SLC30A7: variants seen among roughly 807,000 people sequenced by gnomAD.
The protein encoded by SLC30A7 is solute carrier family 30 member 7, also known as zinc transporter 7.
A neutral mutation model predicts 46.0 loss-of-function variants in SLC30A7; 35 were observed. The ratio of observed to expected loss-of-function variants is 0.76; its 90% confidence interval spans 0.58 to 1.01. SLC30A7 has a LOEUF of 1.01. SLC30A7 is among the 50% of genes least tolerant of loss of function. SLC30A7 has a pLI of 0.00. For synonymous variants in SLC30A7, 147 were observed against 157.8 expected (o/e 0.93, Z 0.51); for missense variants, 464 against 451.1 (o/e 1.03, Z -0.26).
intron 8 of SLC30A7, among the ~76,000 whole-genome samples, chr1:100,951,759 C>G (rs1428019073): frequency 6.6e-6 from 1 of 152,188 alleles, no homozygotes; most frequent in Non-Finnish European, 1.5e-5. Context: ...CCCTCCTTAC[C>G]CACCTGGCTA....
intron 2 of SLC30A7, among the ~76,000 whole-genome samples, chr1:100,903,345 C>A (rs1323788986): frequency 6.6e-6 from 1 of 152,030 alleles, no homozygotes. Flanking sequence ...TAGAGAAATT[C>A]TTCACATGAG....
At chr1:100,942,277 A>G (rs1654392857) in intron 8 of SLC30A7, among the ~76,000 whole-genome samples, 2 of 152,214 alleles carry the variant, frequency 1.3e-5, no homozygotes, top group Non-Finnish European at 2.9e-5. Flanking sequence ...GCAAAATTAA[A>G]TATGCATATA....
At chr1:100,967,458 T>C (rs1370684389) in intron 10 of SLC30A7, among the ~76,000 whole-genome samples, 3 of 152,146 alleles carry the variant, frequency 2.0e-5, no homozygotes, top group Non-Finnish European at 4.4e-5. Flanking sequence ...TAACAGACCA[T>C]GGACCAGTAC....
Position 100,909,203 on chromosome 1 carries a change from T to C in SLC30A7, c.297-1860T>C, listed in dbSNP as rs148741254. 7.5e-3 allele frequency among the ~76,000 whole-genome samples: 1,137 copies of C among 152,246 alleles called. 23 individuals carry two copies. Among genetic ancestry groups the C allele is most frequent in the African/African-American group, 0.024 (1,004 of 41,558 alleles). ...AATCAAAATGACACTGATTAATTCA[T>C]GTTAAGCATAGGGTTGAATTCTCAT... On this transcript the variant is annotated intron_variant, in intron 3 of 10. Transcript: ENST00000357650.
In SLC30A7 at chr1:100,980,056, A is replaced by G. The variant is rs1656834618; in HGVS notation, c.*5199A>G. ...CATTGATCTTAAACTGTGCAGGCTA[A>G]AAAGAGGAACCAGAACTCCCTTAAG... is the stretch of plus-strand genomic sequence containing the variant. On this transcript the variant is annotated 3_prime_UTR_variant, in exon 11 of 11. Transcript: ENST00000357650. 2.0e-5 allele frequency: 3 copies of G among 152,176 alleles called. No individual in the cohort carries two copies. The highest frequency in any genetic ancestry group is 1.3e-4 in the Admixed American group (2 of 15,266). The allele number at this position is 152,176 out of a possible 1,614,324, so 9.4% of individuals were successfully genotyped here.
At position 100,976,836 on chromosome 1, in the gene SLC30A7, C is replaced by CT. The variant is rs1656550610; in HGVS notation, c.*1983dup. 1 of 152,562 alleles carries CT rather than the reference C, an allele frequency of 6.6e-6. No homozygotes were observed. Among genetic ancestry groups the CT allele is most frequent in the East Asian group, 1.9e-4 (1 of 5,206 alleles). The allele number at this position is 152,562 out of a possible 1,614,324, so 9.5% of individuals were successfully genotyped here. A position where few individuals can be genotyped will look rare whatever the true frequency, so the allele number is the denominator to read the frequency against. ...TTGCCGTGAACTCTATCAATAGTCT[C>CT]TTTTCCGCAGGCAAAGTGGCATTTT... On this transcript the variant is annotated 3_prime_UTR_variant, in exon 11 of 11. Coordinates refer to ENST00000357650, the MANE Select transcript of SLC30A7 (RefSeq NM_133496.5).
In SLC30A7 at chr1:100,896,128, C is replaced by G; in HGVS notation, c.-135C>G. 2 of 738,910 alleles carry G rather than the reference C, an allele frequency of 2.7e-6. No homozygotes were observed. Among genetic ancestry groups the G allele is most frequent in the Non-Finnish European group, 2.4e-6 (1 of 419,438 alleles). The allele number at this position is 738,910 out of a possible 1,614,324, so 45.8% of individuals were successfully genotyped here. ...TTCCCGGGTGTGTGTCTGTGTCTGT[C>G]TGTGTCTCGCAGCGGCGCGCGGCCC... On this transcript the variant is annotated 5_prime_UTR_variant, in exon 1 of 11. Transcript: ENST00000357650.
intron 7 of SLC30A7, among the ~76,000 whole-genome samples, chr1:100,919,921 G>T (rs992542579): frequency 7.2e-5 from 11 of 151,978 alleles, no homozygotes; most frequent in Non-Finnish European, 1.2e-4. Flanking sequence ...TAAGGTTTTG[G>T]GGGGTTAGGT....
At chr1:100,995,222 TAAGAGTCACCTA>T in the SLC30A7 span, 1 of 1,017,150 alleles carries the variant, frequency 9.8e-7, no homozygotes, top group African/African-American at 1.6e-5. Flanking sequence ...AAACCTCAGT[TAAGAGTCACCTA>T]AATTTTGGGG....
At chr1:100,964,608 C>T (rs1553242431) in intron 9 of SLC30A7, among the ~76,000 whole-genome samples, 1 of 152,098 alleles carries the variant, frequency 6.6e-6, no homozygotes, top group Non-Finnish European at 1.5e-5. Flanking sequence ...TGTAACTACA[C>T]TGTCCTCCCA....
chr1:100,914,878 G>T (rs1481876308), intron 6 of SLC30A7, among the ~76,000 whole-genome samples: 1 of 151,946 alleles, frequency 6.6e-6, no homozygotes, highest in African/African-American at 2.4e-5. Context: ...GTTGCAGTTA[G>T]CTGAGATCAC....
intron 8 of SLC30A7, among the ~76,000 whole-genome samples, chr1:100,936,051 C>T (rs1396356193): frequency 6.6e-6 from 1 of 151,570 alleles, no homozygotes; most frequent in African/African-American, 2.4e-5. Flanking sequence ...TACCAGATAC[C>T]AATATTTTAA....
chr1:100,915,249 C>CT (rs1553236642), intron 6 of SLC30A7, among the ~76,000 whole-genome samples: 21 of 97,920 alleles, frequency 2.1e-4, no homozygotes, highest in African/African-American at 7.2e-4. Context: ...TTCTTTCTTT[C>CT]TTTCTTCCTT....
chr1:100,990,298 G>T, the SLC30A7 span: 1 of 992,824 alleles, frequency 1.0e-6, no homozygotes, highest in Non-Finnish European at 1.5e-6. Flanking sequence ...CACAACACCT[G>T]GGAATTATGA....
At chr1:100,984,561 T>C (rs1419786636), downstream of SLC30A7, among the ~76,000 whole-genome samples, 1 of 152,130 alleles carries the variant, frequency 6.6e-6, no homozygotes, top group East Asian at 1.9e-4. Context: ...TTGAAATAGA[T>C]CCAAAGAGAA....
At chr1:100,929,684 C>T (rs567976038) in intron 8 of SLC30A7, among the ~76,000 whole-genome samples, 2 of 151,974 alleles carry the variant, frequency 1.3e-5, no homozygotes, top group African/African-American at 4.8e-5. Flanking sequence ...TTTTCACTTC[C>T]ACAGTGAAAG....
At chr1:100,937,425 C>G (rs545942248) in intron 8 of SLC30A7, among the ~76,000 whole-genome samples, 5 of 152,136 alleles carry the variant, frequency 3.3e-5, no homozygotes, top group African/African-American at 1.2e-4. Context: ...TCTCCACATG[C>G]TTTCCAAAAC....
intron 8 of SLC30A7, among the ~76,000 whole-genome samples, chr1:100,936,563 G>A (rs1653976548): frequency 6.6e-6 from 1 of 152,030 alleles, no homozygotes; most frequent in African/African-American, 2.4e-5. Context: ...GCCTACTAAT[G>A]TCTACCTTTT....
intron 8 of SLC30A7, among the ~76,000 whole-genome samples, chr1:100,946,846 G>C (rs1654671927): frequency 6.6e-6 from 1 of 152,124 alleles, no homozygotes; most frequent in Non-Finnish European, 1.5e-5. Flanking sequence ...GATTGGAATA[G>C]TTTCAGAAGG....
Sources: allele counts gnomAD v4.1 joint callset (sites outside exome capture counted in the v4.1 genomes callset), GRCh38; gene constraint gnomAD v4.1.1; transcripts MANE v1.5; gene names NCBI Gene and HGNC (gene_info 2026-07-23, HGNC 2026-07-21).